Variants in RBFOX1 observed in about 807,000 individuals in gnomAD.
The protein encoded by RBFOX1 is RNA binding protein fox-1 homolog 1.
In RBFOX1, 8 loss-of-function variants were observed where a neutral mutation model predicts 57.7. The observed-to-expected ratio is 0.14, with a 90% CI of 0.08 to 0.25. The LOEUF is 0.25. RBFOX1 is among the 10% of genes least tolerant of loss of function. The pLI is 1.00. For synonymous variants in RBFOX1, 326 were observed against 222.4 expected (o/e 1.47, Z -4.15); for missense variants, 611 against 548.5 (o/e 1.11, Z -1.14).
rs369144551 is a variant in RBFOX1, at chr16:6,564,090, G to C, written c.-63-90513G>C. Among the ~76,000 whole-genome samples, 28 of 152,086 alleles carry C rather than the reference G, an allele frequency of 1.8e-4. No homozygotes were observed. The East Asian group carries it at 4.1e-3, about 22-fold the overall frequency. Reference sequence around the variant, plus strand: ...CAACCTTAACCTCACAATCACTTCTGGATGTTCTTGTAGCCTACACTGTGG... The same window carrying C: ...CAACCTTAACCTCACAATCACTTCTCGATGTTCTTGTAGCCTACACTGTGG... On this transcript the variant is annotated intron_variant, in intron 2 of 15. Coordinates refer to ENST00000550418, the MANE Select transcript of RBFOX1 (RefSeq NM_018723.4).
At chr16:5,926,140 A>G (rs1308892218) in intron 4 of RBFOX1, among the ~76,000 whole-genome samples, 3 of 152,192 alleles carry the variant, frequency 2.0e-5, no homozygotes, top group Non-Finnish European at 4.4e-5. Flanking sequence ...TCTTCCAGTG[A>G]AAAGGGAAGG....
intron 4 of RBFOX1, among the ~76,000 whole-genome samples, chr16:7,387,580 C>T (rs1010940756): frequency 1.3e-5 from 2 of 152,140 alleles, no homozygotes; most frequent in African/African-American, 2.4e-5. Flanking sequence ...TAAATCCATA[C>T]GCCTTCAGAG....
At chr16:6,455,779 T>C (rs2094756648) in intron 2 of RBFOX1, among the ~76,000 whole-genome samples, 1 of 152,188 alleles carries the variant, frequency 6.6e-6, no homozygotes, top group African/African-American at 2.4e-5. Context: ...TGATTACCTT[T>C]ATTCAATCTC....
chr16:7,447,449 AAG>A (rs1218347757), intron 4 of RBFOX1, among the ~76,000 whole-genome samples: 1 of 151,364 alleles, frequency 6.6e-6, no homozygotes, highest in Non-Finnish European at 1.5e-5. Context: ...AAAAAAAAAA[AAG>A]AGAGATTCCA....
At chr16:6,540,180 G>A (rs954732119) in intron 2 of RBFOX1, among the ~76,000 whole-genome samples, 1 of 151,978 alleles carries the variant, frequency 6.6e-6, no homozygotes, top group African/African-American at 2.4e-5. Context: ...TGAATCTGAG[G>A]TCTATCTTTA....
chr16:6,611,074 G>A (rs1315456716), intron 2 of RBFOX1, among the ~76,000 whole-genome samples: 1 of 152,092 alleles, frequency 6.6e-6, no homozygotes, highest in Non-Finnish European at 1.5e-5. Context: ...GGCCTAAGAA[G>A]CAAAAGCAGG....
At chr16:7,409,514 C>T (rs1597708002) in intron 4 of RBFOX1, among the ~76,000 whole-genome samples, 2 of 152,172 alleles carry the variant, frequency 1.3e-5, no homozygotes, top group South Asian at 2.1e-4. Context: ...AAGCTGTTGC[C>T]AGTTGTTCCT....
In RBFOX1 at chr16:7,712,730, T is replaced by C. The variant is rs1008869499; in HGVS notation, c.*1985T>C. 1 of 152,204 alleles carries C rather than the reference T, an allele frequency of 6.6e-6. No homozygotes were observed. The highest frequency in any genetic ancestry group is 2.4e-5 in the African/African-American group (1 of 41,448). The allele number at this position is 152,204 out of a possible 1,614,324, so 9.4% of individuals were successfully genotyped here. ...GGCAATGGGTGCCTGGTTGATGTTC[T>C]TAAAGGAAACGAATTATTAAAACAC... is the stretch of plus-strand genomic sequence containing the variant. On this transcript the variant is annotated 3_prime_UTR_variant, in exon 16 of 16. Transcript: ENST00000550418.
At chr16:7,048,175 A>C (rs2048698879) in intron 3 of RBFOX1, among the ~76,000 whole-genome samples, 1 of 152,028 alleles carries the variant, frequency 6.6e-6, no homozygotes, top group Non-Finnish European at 1.5e-5. Context: ...CACCGTGCCC[A>C]GCCCAATATT....
chr16:5,326,771 AG>A (rs1323466096), intron 1 of RBFOX1, among the ~76,000 whole-genome samples: 2 of 152,214 alleles, frequency 1.3e-5, no homozygotes, highest in Non-Finnish European at 2.9e-5. Flanking sequence ...TGAATGGAGG[AG>A]GGAACATATC....
chr16:6,241,969 G>A (rs1017328529), intron 1 of RBFOX1, among the ~76,000 whole-genome samples: 18 of 152,154 alleles, frequency 1.2e-4, no homozygotes, highest in Non-Finnish European at 2.2e-4. Context: ...GTCAGTGGAA[G>A]TCAATGTTGT....
intron 1 of RBFOX1, among the ~76,000 whole-genome samples, chr16:6,235,333 G>A (rs969496217): frequency 2.6e-5 from 4 of 152,052 alleles, no homozygotes; most frequent in African/African-American, 7.2e-5. Flanking sequence ...AGCATAAAAA[G>A]TCCAAGCAGG....
chr16:6,387,323 C>A (rs1311255219), intron 2 of RBFOX1, among the ~76,000 whole-genome samples: 2 of 152,072 alleles, frequency 1.3e-5, no homozygotes, highest in Non-Finnish European at 2.9e-5. Context: ...ATTTTGGAAT[C>A]CACTCAGAGC....
chr16:5,869,525 C>T (rs1458835686), intron 4 of RBFOX1, among the ~76,000 whole-genome samples: 1 of 152,106 alleles, frequency 6.6e-6, no homozygotes, highest in Non-Finnish European at 1.5e-5. Context: ...CCTCAGCCTC[C>T]CAAGTAGCTG....
intron 10 of RBFOX1, among the ~76,000 whole-genome samples, chr16:7,615,904 C>T (rs2058361430): frequency 6.6e-6 from 1 of 152,202 alleles, no homozygotes; most frequent in Non-Finnish European, 1.5e-5. Flanking sequence ...CGAGATGCCA[C>T]ATATTCACGG....
rs182206170 is a variant in RBFOX1 at position 7,228,802 on chromosome 16, G to C, written c.27+176704G>C. On this transcript the variant is annotated intron_variant, in intron 4 of 15. Transcript: ENST00000550418. ...TTATAATTTATTTTGGGGGAAAATGGATTAAAAACATAATCTCTCGGTTCT... is the reference window on the plus strand; with the variant it reads ...TTATAATTTATTTTGGGGGAAAATGCATTAAAAACATAATCTCTCGGTTCT... Among the ~76,000 whole-genome samples the C allele has an allele frequency of 9.4e-4, 143 of 152,290 alleles. 1 individual carries two copies. Among genetic ancestry groups the C allele is most frequent in the African/African-American group, 3.3e-3 (138 of 41,570 alleles).
At chr16:6,487,693 AAAAAAAAATATATATATATATATATATAT>A (rs2095527296) in intron 2 of RBFOX1, among the ~76,000 whole-genome samples, 1 of 7,606 alleles carries the variant, frequency 1.3e-4, no homozygotes, top group African/African-American at 2.7e-4. Context: ...AAAAAAAAAA[AAAAAAAAATATATATATATATATATATAT>A]ATATATATAT....
chr16:6,867,958 T>C (rs971527794), intron 3 of RBFOX1, among the ~76,000 whole-genome samples: 13 of 152,214 alleles, frequency 8.5e-5, no homozygotes, highest in African/African-American at 2.6e-4. Context: ...CTCAGACAAA[T>C]TGGCAGTTGA....
At chr16:5,815,956 A>G (rs2055618479) in intron 3 of RBFOX1, among the ~76,000 whole-genome samples, 1 of 152,130 alleles carries the variant, frequency 6.6e-6, no homozygotes, top group African/African-American at 2.4e-5. Flanking sequence ...GTTAAAATCC[A>G]TTAGGCTTGG....
Sources: gnomAD v4.1 joint callset for allele counts (sites outside exome capture counted in the v4.1 genomes callset) on GRCh38, gnomAD v4.1.1 for gene constraint, MANE v1.5 for transcripts, NCBI Gene and HGNC (gene_info 2026-07-23, HGNC 2026-07-21) for gene names.